The following UBE2K variants were observed in gnomAD, a reference collection of about 807,000 sequenced individuals.
The protein encoded by UBE2K is ubiquitin conjugating enzyme E2 K, also known as ubiquitin-conjugating enzyme E2 K.
A neutral mutation model predicts 30.0 loss-of-function variants in UBE2K; 6 were observed. That is an observed-to-expected ratio of 0.20 (90% CI 0.11 to 0.39). The LOEUF (loss-of-function observed/expected upper bound fraction) is 0.39. UBE2K is among the 10% of genes least tolerant of loss of function. The probability of loss-of-function intolerance (pLI) is 1.00; values close to 1 mark genes in which losing one functional copy is unlikely to be tolerated. For missense variants in UBE2K, 61 were observed against 241.6 expected (o/e 0.25, Z 4.96); for synonymous variants, 86 against 83.7 (o/e 1.03, Z -0.15).
chr4:39,731,502 A>C (rs1720072385), intron 1 of UBE2K, among the ~76,000 whole-genome samples: 1 of 152,008 alleles, frequency 6.6e-6, no homozygotes. Flanking sequence ...CAACATGATG[A>C]AACCTTGTCT....
At chr4:39,722,123 G>A (rs1034987132) in intron 1 of UBE2K, among the ~76,000 whole-genome samples, 1 of 151,868 alleles carries the variant, frequency 6.6e-6, no homozygotes, top group Non-Finnish European at 1.5e-5. Context: ...TTTTTCAGTT[G>A]ACTTAAAAAA....
At chr4:39,718,115 T>TA (rs1188409975) in intron 1 of UBE2K, among the ~76,000 whole-genome samples, 2 of 152,176 alleles carry the variant, frequency 1.3e-5, no homozygotes, top group African/African-American at 4.8e-5. Context: ...TTTATTCTCT[T>TA]ATCTGGCCCC....
intron 4 of UBE2K, among the ~76,000 whole-genome samples, chr4:39,769,261 A>G (rs1712576830): frequency 6.7e-6 from 1 of 150,074 alleles, no homozygotes; most frequent in African/African-American, 2.5e-5. Context: ...TTTGTGGAAA[A>G]CAAAAGTAGA....
rs1012247564 is a variant in UBE2K, at chr4:39,779,042, A to T, written c.*608A>T. ...TGGGACAGTGTCTGATTCCCCCTTCACCCCCCCCACCCCCGCCTTGCCACA... is the reference window on the plus strand; with the variant it reads ...TGGGACAGTGTCTGATTCCCCCTTCTCCCCCCCCACCCCCGCCTTGCCACA... On this transcript the variant is annotated 3_prime_UTR_variant, in exon 7 of 7. Coordinates refer to ENST00000261427, the MANE Select transcript of UBE2K (RefSeq NM_005339.5). 1.6e-5 allele frequency: 2 copies of T among 128,220 alleles called. No individual in the cohort carries two copies. The highest frequency in any genetic ancestry group is 2.2e-4 in the East Asian group (1 of 4,468). The allele number at this position is 128,220 out of a possible 1,614,324, so 7.9% of individuals were successfully genotyped here.
intron 4 of UBE2K, among the ~76,000 whole-genome samples, chr4:39,757,301 C>T (rs1404145318): frequency 6.6e-6 from 1 of 152,092 alleles, no homozygotes; most frequent in Non-Finnish European, 1.5e-5. Flanking sequence ...GTTGGGATTA[C>T]AGGCATGAGC....
intron 1 of UBE2K, among the ~76,000 whole-genome samples, chr4:39,735,173 T>C (rs1720309556): frequency 6.6e-6 from 1 of 152,234 alleles, no homozygotes; most frequent in Non-Finnish European, 1.5e-5. Context: ...AATTTTCTTT[T>C]AACATTATGC....
At chr4:39,770,872 C>T in intron 4 of UBE2K, 7 of 1,544,122 alleles carry the variant, frequency 4.5e-6, no homozygotes, top group Non-Finnish European at 6.1e-6. Context: ...AGCTCCAAGT[C>T]CTCATCCAGT....
At chr4:39,755,818 C>G in intron 4 of UBE2K, 79 bp downstream of exon 4, 1 of 1,045,220 alleles carries the variant, frequency 9.6e-7, no homozygotes, top group Non-Finnish European at 1.4e-6. Flanking sequence ...GTAATTGCCT[C>G]AAAACATATA....
At chr4:39,730,465 T>A (rs1720009337) in intron 1 of UBE2K, among the ~76,000 whole-genome samples, 1 of 151,972 alleles carries the variant, frequency 6.6e-6, no homozygotes, top group Non-Finnish European at 1.5e-5. Context: ...GGATTACAGG[T>A]GTGATTTAAA....
chr4:39,707,056 G>T (rs1371224838), intron 1 of UBE2K, among the ~76,000 whole-genome samples: 1 of 151,866 alleles, frequency 6.6e-6, no homozygotes, highest in African/African-American at 2.4e-5. Context: ...ACAGGCATGC[G>T]CCACCACACC....
Position 39,778,520 on chromosome 4 carries a change from C to A in UBE2K, c.*86C>A. The A allele has an allele frequency of 3.5e-6, 3 of 868,294 alleles. No homozygotes were observed. The highest frequency in any genetic ancestry group is 1.7e-5 in the South Asian group (1 of 58,712). 53.8% of individuals were successfully genotyped at this position (868,294 alleles called of 1,614,324 possible). ...TATTTTTAGGATTCTGCATAGATTT[C>A]TTTTAAACTGGCATTCTTGCCTAAT... On this transcript the variant is annotated 3_prime_UTR_variant, in exon 7 of 7. Transcript: ENST00000261427.
intron 4 of UBE2K, among the ~76,000 whole-genome samples, chr4:39,765,864 T>C (rs1224471017): frequency 1.3e-5 from 2 of 151,966 alleles, no homozygotes; most frequent in East Asian, 3.9e-4. Context: ...CCCCAGCACT[T>C]TGGGAGGCCG....
At chr4:39,730,283 C>G (rs1401869869) in intron 1 of UBE2K, among the ~76,000 whole-genome samples, 1 of 152,070 alleles carries the variant, frequency 6.6e-6, no homozygotes, top group African/African-American at 2.4e-5. Flanking sequence ...CTCTTGGGCT[C>G]AAGTGATTCT....
At chr4:39,746,706 T>G (rs1721006333) in intron 3 of UBE2K, among the ~76,000 whole-genome samples, 1 of 152,202 alleles carries the variant, frequency 6.6e-6, no homozygotes, top group African/African-American at 2.4e-5. Context: ...AGGTGATGCT[T>G]ATTCTTCCAC....
At chr4:39,716,261 ATGGTGTC>A (rs2109320016) in intron 1 of UBE2K, among the ~76,000 whole-genome samples, 1 of 133,178 alleles carries the variant, frequency 7.5e-6, no homozygotes, top group South Asian at 2.6e-4. Flanking sequence ...TATTTGAAAC[ATGGTGTC>A]TGTCTGTCTA....
rs1325745989 is a variant in UBE2K at position 39,757,021 on chromosome 4, T to G, written c.299+1282T>G. 5.9e-3 allele frequency among the ~76,000 whole-genome samples: 579 copies of G among 98,332 alleles called. 49 individuals carry two copies. The highest frequency in any genetic ancestry group is 9.4e-3 in the Non-Finnish European group (462 of 49,090). The allele number at this position is 98,332 out of a possible 152,430, so 64.5% of individuals were successfully genotyped here. Reference sequence around the variant, plus strand: ...GGGTGTTTTTTTTTTGTTTTTTGTTTTTTGTTTTTTGTTTTTTTTTTGAGA... The same window carrying G: ...GGGTGTTTTTTTTTTGTTTTTTGTTGTTTGTTTTTTGTTTTTTTTTTGAGA... On this transcript the variant is annotated intron_variant, in intron 4 of 6. Transcript: ENST00000261427.
In UBE2K at chr4:39,771,035, CTT is replaced by C. The variant is rs1712779661; in HGVS notation, c.300-3797_300-3796del. 1.7e-5 allele frequency: 28 copies of C among 1,612,234 alleles called. 3 individuals carry two copies. In the South Asian group the frequency reaches 3.1e-4, roughly 18 times the overall value. On this transcript the variant is annotated intron_variant, in intron 4 of 6. Coordinates refer to ENST00000261427, the MANE Select transcript of UBE2K (RefSeq NM_005339.5). ...AGGCTAGCCTCACGGACCCCATCCT[CTT>C]TGAGGCCTATTTTGGGCTCAGTGAA... is the stretch of plus-strand genomic sequence containing the variant.
At chr4:39,770,697 C>G (rs547997385) in intron 4 of UBE2K, 2 of 1,573,718 alleles carry the variant, frequency 1.3e-6, no homozygotes, top group African/African-American at 2.7e-5. Context: ...GGGCACGCTG[C>G]TCTGGGCCAG....
chr4:39,740,468 G>A (rs948364387), intron 2 of UBE2K, among the ~76,000 whole-genome samples: 1 of 150,994 alleles, frequency 6.6e-6, no homozygotes, highest in African/African-American at 2.4e-5. Context: ...CGTGAACCCC[G>A]GGAGGCGGAG....
Sources: gnomAD v4.1 joint callset for allele counts (sites outside exome capture counted in the v4.1 genomes callset) on GRCh38, gnomAD v4.1.1 for gene constraint, MANE v1.5 for transcripts, NCBI Gene and HGNC (gene_info 2026-07-23, HGNC 2026-07-21) for gene names.